UPP2: variants seen among roughly 807,000 people sequenced by gnomAD.
UPP2 encodes the protein uridine phosphorylase 2.
Under a neutral mutation model 26.7 loss-of-function variants are expected in UPP2, and 23 were observed. That is an observed-to-expected ratio of 0.86 (90% CI 0.62 to 1.22). The LOEUF is 1.22. UPP2 is among the 50% of genes most tolerant of loss of function. The pLI is 0.00. For missense variants in UPP2, 387 were observed against 396.7 expected (o/e 0.98, Z 0.21); for synonymous variants, 127 against 141.3 (o/e 0.90, Z 0.72).
rs150056175 is a variant in UPP2, at chr2:158,067,474, T to C, written c.148-34566T>C. Among the ~76,000 whole-genome samples the C allele has an allele frequency of 1.2e-3, 179 of 152,104 alleles. 1 individual carries two copies. The highest frequency in any genetic ancestry group is 6.8e-3 in the Middle Eastern group (2 of 292). On this transcript the variant is annotated intron_variant, in intron 3 of 9. Transcript: ENST00000605860. ...CAAATGAGATGAAGGATATAGGGAA[T>C]TCCTCTTCACTGCCTTTGTGGGGAG...
chr2:158,123,446 C>A (rs953692574), intron 5 of UPP2, among the ~76,000 whole-genome samples: 7 of 152,182 alleles, frequency 4.6e-5, no homozygotes, highest in Non-Finnish European at 5.9e-5. Flanking sequence ...CACAGCAACC[C>A]CCCGCTTCCT....
upstream of UPP2, among the ~76,000 whole-genome samples, chr2:158,097,513 A>G (rs929380169): frequency 6.6e-6 from 1 of 152,154 alleles, no homozygotes; most frequent in Admixed American, 6.5e-5. Flanking sequence ...GTCCTGGAAA[A>G]TATGTCATTG....
At chr2:158,067,188 T>C (rs898928374) in intron 3 of UPP2, among the ~76,000 whole-genome samples, 37 of 148,694 alleles carry the variant, frequency 2.5e-4, no homozygotes, top group African/African-American at 9.0e-4. Flanking sequence ...TGATAATTTG[T>C]TTTATTATGT....
chr2:158,037,238 G>A (rs1684017404), intron 3 of UPP2, among the ~76,000 whole-genome samples: 2 of 152,066 alleles, frequency 1.3e-5, no homozygotes, highest in South Asian at 2.1e-4. Flanking sequence ...AGCTGGGTGT[G>A]GTGGCGGGCA....
intron 3 of UPP2, among the ~76,000 whole-genome samples, chr2:158,016,148 T>C (rs191755449): frequency 2.9e-4 from 43 of 149,502 alleles, no homozygotes; most frequent in Admixed American, 1.1e-3. Flanking sequence ...ACTAACAGAT[T>C]TTTTTTTTAA....
intron 2 of UPP2, among the ~76,000 whole-genome samples, chr2:158,000,677 C>T (rs557081185): frequency 6.6e-6 from 1 of 152,332 alleles, no homozygotes; most frequent in East Asian, 1.9e-4. Flanking sequence ...AATTTATTGG[C>T]CTGTTAGAGT....
rs1683188529 is a variant in UPP2, at chr2:158,106,135, T to A, written c.99T>A (p.Asp33Glu). ...TTCACGTTAAAAATCCTTACTTGGA[T>A]TTGATGGATGAAGACATTCTCTATC... ...RFVHVKNPYL[D>E]LMDEDILYHL... Residue 33 changes from aspartate (D) to glutamate (E), a missense_variant, in exon 2 of 7, where the codon GAT becomes GAA. Coordinates refer to ENST00000005756, the MANE Select transcript of UPP2 (RefSeq NM_173355.4). 1.2e-6 allele frequency: 2 copies of A among 1,605,126 alleles called. No homozygotes were observed. The highest frequency in any genetic ancestry group is 3.4e-5 in the Admixed American group (2 of 58,288).
At chr2:158,083,211 C>T (rs28833261) in intron 3 of UPP2, among the ~76,000 whole-genome samples, 15,360 of 152,074 alleles carry the variant, frequency 0.1, 1,545 homozygotes, top group African/African-American at 0.25. Flanking sequence ...ACTGGGTATA[C>T]ACCCAAAGGA....
At chr2:158,097,283 C>T (rs112791594), upstream of UPP2, among the ~76,000 whole-genome samples, 484 of 152,058 alleles carry the variant, frequency 3.2e-3, 1 homozygote, top group African/African-American at 0.011. Flanking sequence ...TACTCAAACC[C>T]CTACAAAAGC....
At chr2:158,057,021 G>A (rs892176085) in intron 3 of UPP2, among the ~76,000 whole-genome samples, 8 of 152,026 alleles carry the variant, frequency 5.3e-5, no homozygotes, top group African/African-American at 9.7e-5. Context: ...AAGATGTCCC[G>A]TTTTTTGGAA....
intron 3 of UPP2, among the ~76,000 whole-genome samples, chr2:158,049,736 T>C (rs1682118006): frequency 6.6e-6 from 1 of 152,224 alleles, no homozygotes; most frequent in Admixed American, 6.5e-5. Context: ...TCTCAGTCTG[T>C]AGTAGAACAG....
intron 3 of UPP2, among the ~76,000 whole-genome samples, chr2:158,028,730 A>G (rs1233158632): frequency 6.6e-6 from 1 of 152,250 alleles, no homozygotes; most frequent in Non-Finnish European, 1.5e-5. Context: ...AATTGGACTT[A>G]CAGTTCCACA....
chr2:158,052,308 A>G (rs763505474), intron 3 of UPP2, among the ~76,000 whole-genome samples: 6 of 152,220 alleles, frequency 3.9e-5, no homozygotes, highest in Non-Finnish European at 5.9e-5. Flanking sequence ...GGAACAAAAG[A>G]TGTACCTGAC....
At position 158,121,470 on chromosome 2, in the gene UPP2, G is replaced by C; in HGVS notation, c.516G>C (p.Arg172=). ...DIAVDSFFKP[R]FEQVILDNIV... ...CTGTAGACTCCTTCTTTAAGCCCCG[G>C]TTTGAACAGGTCATTTTGGACAACA... The change falls in exon 5 of 7, where the codon CGG becomes CGC. Residue 172 remains arginine (R), a synonymous_variant. Transcript: ENST00000005756. The C allele has an allele frequency of 6.2e-7, 1 of 1,613,410 alleles. No homozygotes were observed.
rs992910934 is a variant in UPP2, at chr2:158,044,883, C to G, written c.147+28997C>G. 6.6e-5 allele frequency among the ~76,000 whole-genome samples: 10 copies of G among 152,178 alleles called. No individual in the cohort carries two copies. The South Asian group carries it at 1.0e-3, about 16-fold the overall frequency. On this transcript the variant is annotated intron_variant, in intron 3 of 9. Coordinates refer to the UPP2 transcript ENST00000605860. ...CTTAACTCCGCTCCATGTGTCTGAA[C>G]AGCAGTCCTCTCACTTCTGACAAAT...
At chr2:158,128,047 T>C in intron 6 of UPP2, 3 of 982,512 alleles carry the variant, frequency 3.1e-6, no homozygotes, top group Non-Finnish European at 3.6e-6. Context: ...TAAGTATGTT[T>C]AACTTGTATT....
chr2:158,011,061 G>A (rs1202111516), intron 2 of UPP2, among the ~76,000 whole-genome samples: 4 of 151,942 alleles, frequency 2.6e-5, no homozygotes, highest in African/African-American at 9.7e-5. Flanking sequence ...CACAGTGCCC[G>A]GCCTCCTCCC....
intron 3 of UPP2, among the ~76,000 whole-genome samples, chr2:158,074,712 C>CACACACACACAT (rs1682602451): frequency 6.6e-6 from 1 of 151,592 alleles, no homozygotes; most frequent in African/African-American, 2.4e-5. Flanking sequence ...CACACACACA[C>CACACACACACAT]ACACACACAC....
chr2:157,999,771 G>A (rs552423656), intron 2 of UPP2, among the ~76,000 whole-genome samples: 2 of 152,202 alleles, frequency 1.3e-5, no homozygotes, highest in Non-Finnish European at 1.5e-5. Flanking sequence ...AGTCTAAAAA[G>A]TAAATGGAAT....
Sources: gnomAD v4.1 joint callset for allele counts (sites outside exome capture counted in the v4.1 genomes callset) on GRCh38, gnomAD v4.1.1 for gene constraint, MANE v1.5 for transcripts, NCBI Gene and HGNC (gene_info 2026-07-23, HGNC 2026-07-21) for gene names.